The following DOCK1 variants were observed in gnomAD, a reference collection of about 807,000 sequenced individuals.
DOCK1 encodes dedicator of cytokinesis protein 1.
DOCK1 carries 138 observed loss-of-function variants against 262.7 expected under a neutral mutation model. The observed-to-expected ratio is 0.53, with a 90% CI of 0.46 to 0.61. The LOEUF is 0.61. DOCK1 is among the 20% of genes least tolerant of loss of function. The probability of loss-of-function intolerance (pLI) is 0.00; values close to 1 mark genes in which losing one functional copy is unlikely to be tolerated. For missense variants in DOCK1, 1,908 were observed against 2,370.7 expected (o/e 0.80, Z 4.05); for synonymous variants, 866 against 867.4 (o/e 1.00, Z 0.03).
intron 38 of DOCK1, among the ~76,000 whole-genome samples, chr10:127,385,919 A>G (rs2066089853): frequency 1.3e-5 from 2 of 152,182 alleles, no homozygotes; most frequent in South Asian, 4.1e-4. Context: ...ACTCTCCTCC[A>G]TCAGGTCCTC....
At chr10:127,083,000 A>G (rs908161452) in intron 23 of DOCK1, among the ~76,000 whole-genome samples, 5 of 152,154 alleles carry the variant, frequency 3.3e-5, no homozygotes, top group African/African-American at 7.2e-5. Flanking sequence ...TCAGCCTTCT[A>G]TATCCACTGC....
At chr10:127,040,384 A>G (rs1339574822) in intron 19 of DOCK1, among the ~76,000 whole-genome samples, 2 of 152,220 alleles carry the variant, frequency 1.3e-5, no homozygotes, top group African/African-American at 4.8e-5. Flanking sequence ...TGGCTGGCAC[A>G]GCCAAGCATG....
chr10:127,397,297 C>T (rs796154354), intron 38 of DOCK1, among the ~76,000 whole-genome samples: 25 of 131,698 alleles, frequency 1.9e-4, no homozygotes, highest in Middle Eastern at 4.3e-3. Flanking sequence ...ATGAGTTACA[C>T]GGGCGGCAAC....
rs2058501925 is a variant in DOCK1 at position 127,223,058 on chromosome 10, T to G, written c.2848-24950T>G. ...TAAAAAATTGTAGAACCTGTTCCCA[T>G]GTATCCTTCATTCAGTCTCTGCCCT... On this transcript the variant is annotated intron_variant, in intron 27 of 51. Transcript: ENST00000623213. 3.9e-5 allele frequency among the ~76,000 whole-genome samples: 6 copies of G among 152,346 alleles called. No individual in the cohort carries two copies. In the South Asian group the frequency reaches 1.2e-3, roughly 32 times the overall value.
At chr10:127,328,689 G>A (rs7894866) in intron 29 of DOCK1, among the ~76,000 whole-genome samples, 5,430 of 152,218 alleles carry the variant, frequency 0.036, 338 homozygotes, top group African/African-American at 0.12. Context: ...GTGATTGGGC[G>A]TCTGGGTGTG....
rs528947051 is a variant in DOCK1 at position 127,164,159 on chromosome 10, CTTTTTTTTTTTTTTTTTTTTTTTTTTTT to C, written c.2847+36410_2847+36437del. On this transcript the variant is annotated intron_variant, in intron 27 of 51. Transcript: ENST00000623213. ...CTTTGTCTTCCCTGTCATTTGCCTCCTTTTTTTTTTTTTTTTTTTTTTTTTTTTTTTTTTTTTTTTTTGAGACAGAGTC... is the reference window on the plus strand; with the variant it reads ...CTTTGTCTTCCCTGTCATTTGCCTCCTTTTTTTTTTTTTTGAGACAGAGTC... Among the ~76,000 whole-genome samples, 9 of 63,582 alleles carry C rather than the reference CTTTTTTTTTTTTTTTTTTTTTTTTTTTT, an allele frequency of 1.4e-4. No individual in the cohort carries two copies. The East Asian group carries it at 1.5e-3, about 10-fold the overall frequency. The allele number at this position is 63,582 out of a possible 152,430, so 41.7% of individuals were successfully genotyped here. A position where few individuals can be genotyped will look rare whatever the true frequency, so the allele number is the denominator to read the frequency against.
chr10:127,025,495 G>A (rs981632862), intron 15 of DOCK1, among the ~76,000 whole-genome samples: 1 of 152,130 alleles, frequency 6.6e-6, no homozygotes, highest in Non-Finnish European at 1.5e-5. Flanking sequence ...CACCCAGACT[G>A]GAGTGCAGTG....
At chr10:127,332,642 AAGACACGAGGC>A (rs2063034703) in intron 29 of DOCK1, among the ~76,000 whole-genome samples, 2 of 152,094 alleles carry the variant, frequency 1.3e-5, no homozygotes, top group South Asian at 4.2e-4. Flanking sequence ...CCAAATCCCA[AAGACACGAGGC>A]AGATCCCACC....
At chr10:126,992,789 GAC>G (rs142022750) in intron 6 of DOCK1, among the ~76,000 whole-genome samples, 11 of 147,364 alleles carry the variant, frequency 7.5e-5, no homozygotes, top group East Asian at 2.0e-4. Flanking sequence ...CACACACACA[GAC>G]ACACACACAC....
At position 127,409,077 on chromosome 10, in the gene DOCK1, G is replaced by A. The variant is rs750915688; in HGVS notation, c.4163G>A (p.Arg1388Gln). 3.1e-6 allele frequency: 5 copies of A among 1,597,928 alleles called. No homozygotes were observed. Among genetic ancestry groups the A allele is most frequent in the South Asian group, 1.1e-5 (1 of 88,520 alleles). The change falls in exon 41 of 52, where the codon CGG becomes CAG. Residue 1388 changes from arginine to glutamine, a missense_variant. Physicochemically the swap from Arg to Gln is conservative, Grantham distance 43 (BLOSUM62 1). Transcript: ENST00000623213. ...TACCGAGGGAAAGAGTATGAGCGCC[G>A]GGAAGATTTTGAGGCTCGGCTCTTA... ...FIYRGKEYER[R>Q]EDFEARLLTQ...
chr10:127,245,241 C>T (rs560698351), intron 27 of DOCK1, among the ~76,000 whole-genome samples: 6 of 152,310 alleles, frequency 3.9e-5, no homozygotes, highest in South Asian at 4.1e-4. Context: ...GCAGATCATC[C>T]GTTTCCTAAT....
intron 29 of DOCK1, among the ~76,000 whole-genome samples, chr10:127,260,194 C>T (rs2134990858): frequency 6.6e-6 from 1 of 152,324 alleles, no homozygotes; most frequent in Admixed American, 6.5e-5. Flanking sequence ...CAGGTTGGTA[C>T]AGTGGCATTT....
At chr10:127,096,483 G>A (rs930769477) in intron 23 of DOCK1, among the ~76,000 whole-genome samples, 24 of 152,050 alleles carry the variant, frequency 1.6e-4, no homozygotes, top group African/African-American at 4.6e-4. Flanking sequence ...TTTAATGTGC[G>A]TTTTCTTGAG....
At chr10:127,254,055 G>C (rs1469230566) in intron 28 of DOCK1, among the ~76,000 whole-genome samples, 1 of 151,978 alleles carries the variant, frequency 6.6e-6, no homozygotes, top group Admixed American at 6.6e-5. Context: ...AACGTCTCTG[G>C]GGACTAAAGA....
At chr10:127,152,343 A>G (rs981118913) in intron 27 of DOCK1, among the ~76,000 whole-genome samples, 1 of 152,226 alleles carries the variant, frequency 6.6e-6, no homozygotes, top group Non-Finnish European at 1.5e-5. Flanking sequence ...TGTTGCTATC[A>G]TTGAGTTTCT....
At chr10:127,392,457 A>G (rs1319185437) in intron 38 of DOCK1, among the ~76,000 whole-genome samples, 1 of 152,042 alleles carries the variant, frequency 6.6e-6, no homozygotes, top group Admixed American at 6.6e-5. Context: ...TAGCTTTTTA[A>G]GAGTGGTTTT....
chr10:127,262,543 C>T (rs972140152), intron 29 of DOCK1, among the ~76,000 whole-genome samples: 2 of 152,024 alleles, frequency 1.3e-5, no homozygotes, highest in Non-Finnish European at 2.9e-5. Flanking sequence ...GAATAAACAA[C>T]ATGAATGTTT....
intron 1 of DOCK1, among the ~76,000 whole-genome samples, chr10:126,932,636 C>G (rs1591358462): frequency 1.3e-5 from 2 of 152,088 alleles, no homozygotes; most frequent in Admixed American, 6.5e-5. Flanking sequence ...AGTGCAGGTT[C>G]CAGAGCCCCT....
At chr10:127,313,949 G>A (rs542613711) in intron 29 of DOCK1, among the ~76,000 whole-genome samples, 36 of 152,306 alleles carry the variant, frequency 2.4e-4, no homozygotes, top group Middle Eastern at 3.4e-3. Context: ...TGTGCACATC[G>A]ATTTGTTCTG....
Sources: gnomAD v4.1 joint callset for allele counts (sites outside exome capture counted in the v4.1 genomes callset) on GRCh38, gnomAD v4.1.1 for gene constraint, MANE v1.5 for transcripts, NCBI Gene and HGNC (gene_info 2026-07-23, HGNC 2026-07-21) for gene names.